Variants in KLHL13 observed in about 807,000 individuals in gnomAD.
KLHL13 encodes kelch-like protein 13.
In KLHL13, 10 loss-of-function variants were observed where a neutral mutation model predicts 37.1. That is an observed-to-expected ratio of 0.27 (90% confidence interval 0.17 to 0.46). The LOEUF (loss-of-function observed/expected upper bound fraction) is 0.46, where lower values mean the gene tolerates loss of function less well. KLHL13 is among the 20% of genes least tolerant of loss of function. The pLI, the probability that KLHL13 is intolerant of heterozygous loss-of-function variation, is 1.00. For missense variants in KLHL13, 360 were observed against 509.3 expected (o/e 0.71, Z 2.82); for synonymous variants, 163 against 181.2 (o/e 0.90, Z 0.81).
chrX:118,014,955 T>C (rs1042102693), intron 1 of KLHL13, among the ~76,000 whole-genome samples: 1 of 112,448 alleles, frequency 8.9e-6, no homozygotes, highest in Non-Finnish European at 1.9e-5. Flanking sequence ...ACATGATATA[T>C]AGTATAATAA....
intron 1 of KLHL13, among the ~76,000 whole-genome samples, chrX:118,057,863 A>G (rs1602690538): frequency 9.0e-6 from 1 of 110,959 alleles, no homozygotes; most frequent in South Asian, 3.9e-4. Flanking sequence ...GAATAGGAGA[A>G]AATATTTGCA....
intron 1 of KLHL13, among the ~76,000 whole-genome samples, chrX:118,050,588 TTCTCTC>T (rs955814800): frequency 9.1e-6 from 1 of 109,687 alleles, no homozygotes; most frequent in African/African-American, 3.3e-5. Flanking sequence ...CTTTCTTTCC[TTCTCTC>T]TCTCTCTCTC....
intron 1 of KLHL13, among the ~76,000 whole-genome samples, chrX:118,027,648 T>TACACACACACACACAC (rs34640779): frequency 9.6e-6 from 1 of 103,803 alleles, no homozygotes; most frequent in Non-Finnish European, 2.0e-5. Flanking sequence ...TCTCCACACA[T>TACACACACACACACAC]ACACACACAC....
intron 1 of KLHL13, among the ~76,000 whole-genome samples, chrX:117,990,967 G>A (rs1452695285): frequency 9.1e-6 from 1 of 110,149 alleles, no homozygotes; most frequent in Non-Finnish European, 1.9e-5. Flanking sequence ...AAGACAATGG[G>A]GTTCCCCAAA....
At chrX:118,036,674 T>C (rs1323585715) in intron 1 of KLHL13, among the ~76,000 whole-genome samples, 4 of 111,223 alleles carry the variant, frequency 3.6e-5, no homozygotes, top group Non-Finnish European at 7.5e-5. Flanking sequence ...ATTCAGGACA[T>C]AGGCATGGGC....
chrX:117,901,240 C>T (rs1326330214), intron 6 of KLHL13, among the ~76,000 whole-genome samples: 2 of 111,257 alleles, frequency 1.8e-5, no homozygotes, highest in African/African-American at 6.5e-5. Flanking sequence ...ATGATACACT[C>T]CTTCACATAG....
chrX:118,011,333 A>T (rs1210323777), intron 1 of KLHL13, among the ~76,000 whole-genome samples: 1 of 109,887 alleles, frequency 9.1e-6, no homozygotes, highest in Non-Finnish European at 1.9e-5. Context: ...CAGGAGCCAT[A>T]TAAGAGACCT....
At chrX:118,038,969 A>G (rs770175311) in intron 1 of KLHL13, among the ~76,000 whole-genome samples, 16 of 112,214 alleles carry the variant, frequency 1.4e-4, no homozygotes, top group Non-Finnish European at 2.8e-4. Context: ...TACCTACAGT[A>G]GGCTAGGACA....
intron 1 of KLHL13, among the ~76,000 whole-genome samples, chrX:118,065,644 C>T (rs1436750297): frequency 3.6e-5 from 4 of 111,520 alleles, no homozygotes; most frequent in African/African-American, 1.3e-4. Context: ...ACAGAGCCAA[C>T]GTAGCCTGGA....
At chrX:118,116,775 C>A (rs995685264) in exon 1 of KLHL13, 3 of 107,276 alleles carry the variant, frequency 2.8e-5, no homozygotes, top group Admixed American at 2.0e-4. Flanking sequence ...ACTGCGGCCG[C>A]AGCGGCAGAG....
intron 1 of KLHL13, chrX:117,946,392 C>T (rs1933318835): frequency 8.9e-6 from 1 of 111,893 alleles, no homozygotes; most frequent in Non-Finnish European, 1.9e-5. Flanking sequence ...ATAGGAGAAC[C>T]TTAGTCAGTA....
chrX:118,089,620 G>GAAAGAAAGAAGAAAGAA (rs773944967), intron 1 of KLHL13, among the ~76,000 whole-genome samples: 43 of 71,918 alleles, frequency 6.0e-4, no homozygotes, highest in African/African-American at 2.1e-3. Context: ...GAGAAAGAAA[G>GAAAGAAAGAAGAAAGAA]AGAAAGAAAG....
At chrX:118,074,888 G>C (rs1602703183) in intron 1 of KLHL13, among the ~76,000 whole-genome samples, 2 of 111,197 alleles carry the variant, frequency 1.8e-5, no homozygotes, top group South Asian at 7.7e-4. Context: ...TACTTATATT[G>C]AGAGTTACTG....
intron 1 of KLHL13, chrX:117,985,509 G>A: frequency 3.8e-6 from 1 of 264,439 alleles, no homozygotes; most frequent in Non-Finnish European, 5.1e-6. Flanking sequence ...TGTAGTCAGT[G>A]TAGTTGAACT....
chrX:117,963,513 T>C (rs2053342697), intron 1 of KLHL13, among the ~76,000 whole-genome samples: 1 of 110,324 alleles, frequency 9.1e-6, no homozygotes, highest in Non-Finnish European at 1.9e-5. Flanking sequence ...TTGTGAATAG[T>C]GCCGCAATAA....
intron 1 of KLHL13, among the ~76,000 whole-genome samples, chrX:118,064,218 T>C (rs2054772065): frequency 8.9e-6 from 1 of 111,814 alleles, no homozygotes; most frequent in Non-Finnish European, 1.9e-5. Context: ...CTAAAGCATA[T>C]ATATTTTCTG....
At chrX:118,030,103 T>C (rs1385795526) in intron 1 of KLHL13, among the ~76,000 whole-genome samples, 1 of 111,064 alleles carries the variant, frequency 9.0e-6, no homozygotes, top group Admixed American at 9.6e-5. Context: ...GGAAAAGAAA[T>C]AGAAGAGGAA....
rs1297161891 is a variant in KLHL13, at chrX:117,926,875, C to A, written c.241-6505G>T. Among the ~76,000 whole-genome samples, 4 of 94,868 alleles carry A rather than the reference C, an allele frequency of 4.2e-5. 1 individual carries two copies. The highest frequency in any genetic ancestry group is 1.6e-4 in the African/African-American group (4 of 25,260). The allele number at this position is 94,868 out of a possible 115,157, so 82.4% of individuals were successfully genotyped here. ...CAGACAGAAAAAGCTCCAGGAGAAG[C>A]CCCCTACTTCTTTTTTTTTTTTTTT... is the stretch of plus-strand genomic sequence containing the variant. On this transcript the variant is annotated intron_variant, in intron 2 of 6. Transcript: ENST00000262820.
chrX:118,087,136 A>G (rs183248413), intron 1 of KLHL13, among the ~76,000 whole-genome samples: 18 of 111,366 alleles, frequency 1.6e-4, no homozygotes, highest in Non-Finnish European at 3.0e-4. Context: ...TTCAAATCAT[A>G]AAATCTCAAA....
Sources: allele counts gnomAD v4.1 joint callset (sites outside exome capture counted in the v4.1 genomes callset), GRCh38; gene constraint gnomAD v4.1.1; transcripts MANE v1.5; gene names NCBI Gene and HGNC (gene_info 2026-07-23, HGNC 2026-07-21).